SLIT1: variants seen among roughly 807,000 people sequenced by gnomAD.
SLIT1 encodes the protein slit homolog 1 protein.
A neutral mutation model predicts 186.1 loss-of-function variants in SLIT1; 66 were observed. The ratio of observed to expected loss-of-function variants is 0.35; its 90% CI spans 0.29 to 0.44. SLIT1 has a LOEUF of 0.44. Among genes scored for constraint, SLIT1 ranks in the 20% least tolerant of loss-of-function variants. SLIT1 has a pLI of 1.00. For synonymous variants in SLIT1, 761 were observed against 833.8 expected (o/e 0.91, Z 1.50); for missense variants, 1,638 against 2,037.4 (o/e 0.80, Z 3.77).
intron 4 of SLIT1, among the ~76,000 whole-genome samples, chr10:97,142,488 C>G (rs1307242762): frequency 6.6e-6 from 1 of 152,156 alleles, no homozygotes; most frequent in African/African-American, 2.4e-5. Flanking sequence ...GGATCAAAGA[C>G]CTAAATGTAA....
chr10:97,050,672 G>A (rs1206008925), intron 13 of SLIT1, among the ~76,000 whole-genome samples: 5 of 152,176 alleles, frequency 3.3e-5, no homozygotes, highest in Non-Finnish European at 5.9e-5. Context: ...CTCCCCAGCT[G>A]CCCATCCACA....
chr10:97,093,337 A>G (rs1436402062), intron 4 of SLIT1, among the ~76,000 whole-genome samples: 1 of 152,222 alleles, frequency 6.6e-6, no homozygotes, highest in Non-Finnish European at 1.5e-5. Flanking sequence ...TGATGTGGCC[A>G]CCCATGTGCC....
At chr10:97,073,412 C>T (rs1332116544) in intron 4 of SLIT1, among the ~76,000 whole-genome samples, 3 of 152,200 alleles carry the variant, frequency 2.0e-5, no homozygotes, top group East Asian at 1.9e-4. Flanking sequence ...GTCCTGGAAG[C>T]GGGCGGGATC....
chr10:97,030,370 C>T (rs1041855502), intron 25 of SLIT1, among the ~76,000 whole-genome samples: 9 of 152,204 alleles, frequency 5.9e-5, no homozygotes, highest in African/African-American at 2.2e-4. Context: ...AGTCAGAAAC[C>T]TCACCACCCT....
intron 25 of SLIT1, among the ~76,000 whole-genome samples, chr10:97,027,850 G>T (rs1848559519): frequency 6.6e-6 from 1 of 152,166 alleles, no homozygotes; most frequent in African/African-American, 2.4e-5. Context: ...TCATGAGGAA[G>T]GAGAAAAGGT....
chr10:97,185,043 G>A (rs986407163), intron 1 of SLIT1, among the ~76,000 whole-genome samples: 1 of 152,264 alleles, frequency 6.6e-6, no homozygotes, highest in Non-Finnish European at 1.5e-5. Context: ...CTCTGGGAGC[G>A]GGAATCTGCG....
At chr10:97,098,167 G>A (rs1460202137) in intron 4 of SLIT1, among the ~76,000 whole-genome samples, 2 of 152,216 alleles carry the variant, frequency 1.3e-5, no homozygotes, top group African/African-American at 4.8e-5. Flanking sequence ...GAATGTGAAC[G>A]TGCACACAGG....
At position 97,057,312 on chromosome 10, in the gene SLIT1, G is replaced by C. The variant is rs189441188; in HGVS notation, c.1086-31C>G. On this transcript the variant is annotated intron_variant, in intron 11 of 36. Transcript: ENST00000266058. ...GAAAAGGCAGCAGAGAGGAGGGTTA[G>C]AGGACAGCCCACCAGGGCAATAGCA... The C allele has an allele frequency of 5.6e-5, 89 of 1,596,312 alleles. No homozygotes were observed. In the East Asian group the frequency reaches 1.8e-3, roughly 32 times the overall value.
Position 97,002,888 on chromosome 10 carries a change from G to A in SLIT1, c.3970C>T (p.Gln1324Ter), listed in dbSNP as rs1319751430. The stretch of plus-strand genomic sequence containing the variant: ...TTCATCTGCGTCTTGGTGAAGTCCT[G>A]CAGCTCGTTGTTGATGTACAGGTTT... ...IRNLYINNEL[Q>*]DFTKTQMKPG... The change falls in exon 35 of 37, where the codon CAG (glutamine) becomes TAG (stop). Residue 1324 changes from glutamine (Q) to a stop codon, truncating the protein, a stop_gained. Coordinates refer to ENST00000266058, the MANE Select transcript of SLIT1 (RefSeq NM_003061.3). LOFTEE classifies it high-confidence loss of function. 1 of 1,614,124 alleles carries A rather than the reference G, an allele frequency of 6.2e-7. No homozygotes were observed. Among genetic ancestry groups the A allele is most frequent in the African/African-American group, 1.3e-5 (1 of 74,954 alleles).
intron 4 of SLIT1, among the ~76,000 whole-genome samples, chr10:97,091,082 G>A (rs527448092): frequency 3.3e-5 from 5 of 152,362 alleles, no homozygotes; most frequent in African/African-American, 9.6e-5. Flanking sequence ...TGTTCACTCC[G>A]GTTTGATATC....
intron 25 of SLIT1, among the ~76,000 whole-genome samples, chr10:97,025,230 G>A (rs182771945): frequency 5.9e-5 from 9 of 152,250 alleles, no homozygotes; most frequent in Middle Eastern, 3.4e-3. Context: ...AGCTGAGATC[G>A]GACCACTGAA....
At chr10:97,137,367 A>G (rs1009829617) in intron 4 of SLIT1, among the ~76,000 whole-genome samples, 1 of 152,216 alleles carries the variant, frequency 6.6e-6, no homozygotes, top group African/African-American at 2.4e-5. Context: ...AATATCTACA[A>G]ATAATCAGAA....
intron 4 of SLIT1, among the ~76,000 whole-genome samples, chr10:97,104,226 T>C (rs796498812): frequency 4.0e-5 from 6 of 151,558 alleles, no homozygotes; most frequent in African/African-American, 1.5e-4. Flanking sequence ...GGAGAAGGAG[T>C]ATTCTAGGCA....
chr10:97,001,046 AC>A lies in SLIT1; in HGVS notation c.*65del, dbSNP rs1848302252. The A allele has an allele frequency of 2.3e-6, 3 of 1,329,880 alleles. No homozygotes were observed. 82.4% of individuals were successfully genotyped at this position (1,329,880 alleles called of 1,614,324 possible). ...CTGCACCCCAGCCCAGCTGCTGGCG[AC>A]TGTCTCCGCTGCTGCAGCGGCTGGG... On this transcript the variant is annotated 3_prime_UTR_variant, in exon 37 of 37. Transcript: ENST00000266058.
Position 97,066,034 on chromosome 10 carries a change from C to G in SLIT1, c.466G>C (p.Ala156Pro). 6.2e-7 allele frequency: 1 copy of G among 1,605,374 alleles called. No individual in the cohort carries two copies. Among genetic ancestry groups the G allele is most frequent in the Non-Finnish European group, 8.5e-7 (1 of 1,175,220 alleles). Residue 156 changes from alanine (A) to proline (P), a missense_variant, in exon 5 of 37, where the codon GCT becomes CCT. Ala to Pro is a conservative substitution (Grantham distance 27). Transcript: ENST00000266058. ...QAIPRKAFRG[A>P]TDLKNLQLDK... is the part of the protein sequence containing the mutation. ...ACTCACAAATTTTTAAGGTCCGTAG[C>G]TCCCCGAAAAGCTTTCCTGGGGATG...
chr10:97,175,331 T>C (rs1425230679), intron 1 of SLIT1, among the ~76,000 whole-genome samples: 1 of 152,240 alleles, frequency 6.6e-6, no homozygotes, highest in Non-Finnish European at 1.5e-5. Flanking sequence ...TTTTAGCTAT[T>C]GTAAATAATG....
At chr10:97,166,623 G>GAAAGAAAGAAAGAAAAGAAAAGAAA (rs3979552) in intron 1 of SLIT1, among the ~76,000 whole-genome samples, 1 of 42,678 alleles carries the variant, frequency 2.3e-5, no homozygotes, top group Non-Finnish European at 4.6e-5. Context: ...AAGAAAGAAA[G>GAAAGAAAGAAAGAAAAGAAAAGAAA]AGAAAAGAAA....
chr10:97,041,836 A>G (rs1402193915), intron 20 of SLIT1, among the ~76,000 whole-genome samples: 3 of 151,378 alleles, frequency 2.0e-5, no homozygotes, highest in Non-Finnish European at 4.4e-5. Context: ...AGGAATGAGG[A>G]TGCATTTCTT....
At chr10:97,052,526 C>T (rs2805591) in intron 13 of SLIT1, among the ~76,000 whole-genome samples, 126,338 of 152,254 alleles carry the variant, frequency 0.83, 52,494 homozygotes, top group East Asian at 0.88. Context: ...GTGATGGAAA[C>T]GTTCTAAAGT....
Sources: allele counts gnomAD v4.1 joint callset (sites outside exome capture counted in the v4.1 genomes callset), GRCh38; gene constraint gnomAD v4.1.1; transcripts MANE v1.5; gene names NCBI Gene and HGNC (gene_info 2026-07-23, HGNC 2026-07-21).